MSI2: variants seen among roughly 807,000 people sequenced by gnomAD.
MSI2 encodes musashi RNA binding protein 2, also known as RNA-binding protein Musashi homolog 2.
A neutral mutation model predicts 45.6 loss-of-function variants in MSI2; 17 were observed. The ratio of observed to expected loss-of-function variants is 0.37; its 90% CI spans 0.26 to 0.56. The LOEUF is 0.56. Among genes scored for constraint, MSI2 ranks in the 20% least tolerant of loss-of-function variants. The pLI is 0.77. For synonymous variants in MSI2, 156 were observed against 158.2 expected (o/e 0.99, Z 0.11); for missense variants, 293 against 444.2 (o/e 0.66, Z 3.06).
intron 6 of MSI2, among the ~76,000 whole-genome samples, chr17:57,428,521 C>T (rs1198841287): frequency 3.9e-5 from 6 of 152,246 alleles, no homozygotes; most frequent in African/African-American, 1.4e-4. Context: ...GCCCCCACCT[C>T]AGCCTCCTAA....
intron 6 of MSI2, among the ~76,000 whole-genome samples, chr17:57,512,063 G>A (rs2086367353): frequency 6.6e-6 from 1 of 152,188 alleles, no homozygotes; most frequent in Non-Finnish European, 1.5e-5. Flanking sequence ...AGTATTCAGA[G>A]CCCTTGAGTG....
chr17:57,641,163 C>T (rs1910228012), intron 10 of MSI2, among the ~76,000 whole-genome samples: 1 of 152,156 alleles, frequency 6.6e-6, no homozygotes, highest in South Asian at 2.1e-4. Flanking sequence ...ACATCTGAAA[C>T]AACGTCACTC....
At chr17:57,542,075 G>A (rs577234887) in intron 7 of MSI2, among the ~76,000 whole-genome samples, 4 of 152,124 alleles carry the variant, frequency 2.6e-5, no homozygotes, top group Admixed American at 6.5e-5. Flanking sequence ...TCATCTATTC[G>A]GGACCCAGAA....
intron 6 of MSI2, among the ~76,000 whole-genome samples, chr17:57,442,314 C>T (rs1423215418): frequency 1.3e-5 from 2 of 152,170 alleles, no homozygotes; most frequent in African/African-American, 4.8e-5. Flanking sequence ...GGATTACAGG[C>T]GTGAGCCACT....
At chr17:57,586,721 A>C (rs1423707655) in intron 7 of MSI2, among the ~76,000 whole-genome samples, 1 of 152,132 alleles carries the variant, frequency 6.6e-6, no homozygotes, top group African/African-American at 2.4e-5. Flanking sequence ...CTTCTTAAAG[A>C]CAGCGTTATT....
At chr17:57,632,309 C>G in intron 10 of MSI2, 3 of 1,069,902 alleles carry the variant, frequency 2.8e-6, no homozygotes, top group Non-Finnish European at 3.4e-6. Context: ...GGTGAACACA[C>G]AGAGACAGAC....
At chr17:57,338,495 G>A (rs951266850) in intron 5 of MSI2, among the ~76,000 whole-genome samples, 1 of 152,160 alleles carries the variant, frequency 6.6e-6, no homozygotes, top group Non-Finnish European at 1.5e-5. Flanking sequence ...TAATCTCTGC[G>A]GTCTCTGTCC....
intron 5 of MSI2, among the ~76,000 whole-genome samples, chr17:57,285,056 T>C (rs1909752013): frequency 6.6e-6 from 1 of 152,182 alleles, no homozygotes; most frequent in East Asian, 1.9e-4. Context: ...GTGCATAGAT[T>C]GGCGTCGGTT....
intron 5 of MSI2, among the ~76,000 whole-genome samples, chr17:57,336,611 A>T (rs999377265): frequency 6.6e-6 from 1 of 152,196 alleles, no homozygotes; most frequent in Admixed American, 6.5e-5. Context: ...TGAAATCTGA[A>T]TGCATTTAAA....
chr17:57,612,045 T>G (rs1907233430), intron 8 of MSI2, among the ~76,000 whole-genome samples: 1 of 95,662 alleles, frequency 1.0e-5, no homozygotes, highest in African/African-American at 3.2e-5. Flanking sequence ...TTACCCTTTT[T>G]GGGTTCTGAC....
At chr17:57,558,673 G>A (rs2087498622) in intron 7 of MSI2, among the ~76,000 whole-genome samples, 1 of 152,244 alleles carries the variant, frequency 6.6e-6, no homozygotes, top group African/African-American at 2.4e-5. Flanking sequence ...CCTGCCAAGA[G>A]CAAAGAGAGG....
At chr17:57,418,979 A>G (rs1199166789) in intron 6 of MSI2, among the ~76,000 whole-genome samples, 3 of 152,206 alleles carry the variant, frequency 2.0e-5, no homozygotes, top group Non-Finnish European at 4.4e-5. Flanking sequence ...TTATAACTGA[A>G]AAACTCAATT....
At chr17:57,277,073 T>G (rs1908929368) in intron 5 of MSI2, among the ~76,000 whole-genome samples, 1 of 141,358 alleles carries the variant, frequency 7.1e-6, no homozygotes, top group Non-Finnish European at 1.5e-5. Context: ...TTTTTTTTTT[T>G]GAGACAAAAT....
Position 57,596,963 on chromosome 17 carries a change from G to A in MSI2, c.537+13G>A, listed in dbSNP as rs6503818. The A allele has an allele frequency of 3.3e-3, 5,152 of 1,584,900 alleles. 141 individuals carry two copies. In the African/African-American group the frequency reaches 0.06, roughly 19 times the overall value. On this transcript the variant is annotated intron_variant, in intron 8 of 13. Transcript: ENST00000284073. This position sits in a 1 kb window ranked among gnomAD's most constrained non-coding sequence, Gnocchi z 4.6. ...CAATAATAAAATGGTAAGTGTGTAG[G>A]GGTTGCGCTGAAATGGAATGCCCCC...
the MSI2 span, among the ~76,000 whole-genome samples, chr17:57,699,771 G>A: frequency 2.0e-4 from 30 of 152,302 alleles, no homozygotes; most frequent in East Asian, 2.7e-3. Context: ...AGGTGGATGG[G>A]GGCCAAGGAG....
chr17:57,426,265 A>G (rs903172183), intron 6 of MSI2, among the ~76,000 whole-genome samples: 1 of 152,258 alleles, frequency 6.6e-6, no homozygotes, highest in Non-Finnish European at 1.5e-5. Flanking sequence ...GACAGGATAT[A>G]GCTGAAGACA....
chr17:57,675,102 C>A lies in MSI2; in HGVS notation c.921C>A (p.Gly307=). The change falls in exon 12 of 14, where the codon GGC becomes GGA. Residue 307 remains glycine, a synonymous_variant. Coordinates refer to ENST00000284073, the MANE Select transcript of MSI2 (RefSeq NM_138962.4). ...TAAGTGCGGCCAGCCCACAGCCGGG[C>A]TCGGGCTTCGGCCACGGCATAGCTG... ...NYISAASPQP[G]SGFGHGIAGP... 1.2e-6 allele frequency: 2 copies of A among 1,613,758 alleles called. No homozygotes were observed. The highest frequency in any genetic ancestry group is 1.7e-6 in the Non-Finnish European group (2 of 1,179,948).
chr17:57,289,727 C>T (rs74466561), intron 5 of MSI2, among the ~76,000 whole-genome samples: 2,793 of 152,322 alleles, frequency 0.018, 45 homozygotes, highest in Middle Eastern at 0.099. Flanking sequence ...AGGAGGAGGC[C>T]GTGAAACACT....
At chr17:57,257,073 C>A (rs558793713) in intron 1 of MSI2, 25 bp from the exon 2 acceptor site, 1 of 1,463,994 alleles carries the variant, frequency 6.8e-7, no homozygotes, top group Non-Finnish European at 9.2e-7. Flanking sequence ...TCGGTGCTCA[C>A]TTCTGTTATG....
Sources: allele counts gnomAD v4.1 joint callset (sites outside exome capture counted in the v4.1 genomes callset), GRCh38; gene constraint gnomAD v4.1.1; non-coding constraint Gnocchi (gnomAD v3.1); transcripts MANE v1.5; gene names NCBI Gene and HGNC (gene_info 2026-07-23, HGNC 2026-07-21).